The following FER1L6 variants were observed in gnomAD, a reference collection of about 807,000 sequenced individuals.
FER1L6 encodes the protein fer-1 like family member 6, also known as fer-1-like protein 6.
Under a neutral mutation model 219.2 loss-of-function variants are expected in FER1L6, and 177 were observed. The observed-to-expected ratio is 0.81, with a 90% CI of 0.71 to 0.91. The LOEUF (loss-of-function observed/expected upper bound fraction) is 0.91. Ranked by LOEUF, FER1L6 falls within the 40% of genes least tolerant of loss-of-function variation. The pLI, the probability that FER1L6 is intolerant of heterozygous loss-of-function variation, is 0.00. For synonymous variants in FER1L6, 768 were observed against 824.3 expected, an observed-to-expected ratio of 0.93 and a Z score of 1.17; for missense variants, 2,153 against 2,259.9, an observed-to-expected ratio of 0.95 and a Z score of 0.96.
At chr8:124,096,955 G>A (rs1822323178) in intron 35 of FER1L6, among the ~76,000 whole-genome samples, 1 of 151,980 alleles carries the variant, frequency 6.6e-6, no homozygotes, top group Non-Finnish European at 1.5e-5. Flanking sequence ...TGTTGCAAGA[G>A]TTCATAAGAT....
intron 39 of FER1L6, among the ~76,000 whole-genome samples, chr8:124,104,008 T>G (rs1264317277): frequency 1.3e-5 from 2 of 152,254 alleles, no homozygotes; most frequent in Admixed American, 6.5e-5. Flanking sequence ...CAGGTCTGGA[T>G]AGAGACCCAT....
At chr8:124,021,455 G>C in intron 16 of FER1L6, 95 bp from the exon 17 acceptor site, 1 of 1,535,760 alleles carries the variant, frequency 6.5e-7, no homozygotes, top group Non-Finnish European at 8.9e-7. Flanking sequence ...ACTCAGTGTG[G>C]AGCTCACCAG....
chr8:124,039,240 AC>A (rs1451306673), intron 19 of FER1L6, among the ~76,000 whole-genome samples: 1 of 152,178 alleles, frequency 6.6e-6, no homozygotes, highest in Non-Finnish European at 1.5e-5. Flanking sequence ...CTGTCTTGTT[AC>A]CACAGAATCC....
At chr8:123,893,352 C>G (rs1812684587) in intron 1 of FER1L6, among the ~76,000 whole-genome samples, 1 of 152,178 alleles carries the variant, frequency 6.6e-6, no homozygotes, top group South Asian at 2.1e-4. Flanking sequence ...TGAAGCAGAA[C>G]AGGAGTTGAT....
chr8:124,023,508 C>T lies in FER1L6; in HGVS notation c.2198C>T (p.Ala733Val). Reference protein sequence around the residue: ...MLSNNRRVAYARIASKDLLYS... With the variant: ...MLSNNRRVAYVRIASKDLLYS... ...AGCAACAACAGGAGAGTGGCCTATG[C>T]CCGCATCGCCTCCAAAGACCTCCTC... The change falls in exon 18 of 41, where the codon GCC (alanine) becomes GTC (valine). Residue 733 changes from alanine (A) to valine (V), a missense_variant. Ala to Val is a moderately conservative substitution (Grantham distance 64). Coordinates refer to ENST00000522917, the MANE Select transcript of FER1L6 (RefSeq NM_001039112.2). 1 of 1,614,188 alleles carries T rather than the reference C, an allele frequency of 6.2e-7. No homozygotes were observed. The highest frequency in any genetic ancestry group is 8.5e-7 in the Non-Finnish European group (1 of 1,180,024).
chr8:124,057,956 TGA>T (rs767631405), intron 22 of FER1L6, among the ~76,000 whole-genome samples: 80 of 122,142 alleles, frequency 6.5e-4, no homozygotes, highest in Non-Finnish European at 1.2e-3. Context: ...CTGAATCCTC[TGA>T]GTCTTTCTTC....
intron 18 of FER1L6, among the ~76,000 whole-genome samples, chr8:124,030,930 A>G (rs1402771404): frequency 6.6e-6 from 1 of 152,006 alleles, no homozygotes; most frequent in East Asian, 1.9e-4. Context: ...GGAGGTGGGG[A>G]AGGCACAGGG....
intron 1 of FER1L6, chr8:123,939,197 A>G (rs1339719896): frequency 5.1e-6 from 5 of 985,074 alleles, no homozygotes; most frequent in Admixed American, 6.1e-5. Context: ...CACTGAGGTG[A>G]GCTAAATAAC....
intron 1 of FER1L6, among the ~76,000 whole-genome samples, chr8:123,950,233 T>C (rs1167642861): frequency 6.6e-6 from 1 of 152,118 alleles, no homozygotes; most frequent in East Asian, 1.9e-4. Flanking sequence ...AATAGCGCGG[T>C]CATGTGTGAT....
At chr8:123,942,922 C>A (rs986502627) in intron 1 of FER1L6, among the ~76,000 whole-genome samples, 12 of 152,124 alleles carry the variant, frequency 7.9e-5, no homozygotes, top group African/African-American at 2.7e-4. Context: ...CAAACTTGAC[C>A]TTTTTGAAAT....
At chr8:123,898,147 A>C (rs1812776662) in intron 1 of FER1L6, among the ~76,000 whole-genome samples, 1 of 152,198 alleles carries the variant, frequency 6.6e-6, no homozygotes, top group South Asian at 2.1e-4. Context: ...ATAAAAAATC[A>C]GTTATTATAT....
intron 33 of FER1L6, among the ~76,000 whole-genome samples, chr8:124,085,795 AC>A (rs1450157280): frequency 3.3e-5 from 5 of 151,968 alleles, no homozygotes; most frequent in Non-Finnish European, 7.4e-5. Context: ...TGTCTGGATG[AC>A]CTGCCCAGTG....
At chr8:124,031,836 A>G (rs1818979818) in intron 18 of FER1L6, among the ~76,000 whole-genome samples, 1 of 152,204 alleles carries the variant, frequency 6.6e-6, no homozygotes, top group Non-Finnish European at 1.5e-5. Flanking sequence ...ACATGAAATT[A>G]AAAATGGGAT....
At chr8:123,971,859 T>C (rs1815833568) in intron 6 of FER1L6, among the ~76,000 whole-genome samples, 1 of 152,230 alleles carries the variant, frequency 6.6e-6, no homozygotes, top group African/African-American at 2.4e-5. Context: ...CCCAGTACTC[T>C]GTGTGTGAGA....
At chr8:123,899,023 T>C (rs1563677812) in intron 1 of FER1L6, among the ~76,000 whole-genome samples, 1 of 152,006 alleles carries the variant, frequency 6.6e-6, no homozygotes, top group Non-Finnish European at 1.5e-5. Context: ...AGATACCTAG[T>C]ATTGGGATTG....
intron 18 of FER1L6, among the ~76,000 whole-genome samples, chr8:124,032,800 G>T (rs1189939402): frequency 6.6e-6 from 1 of 152,232 alleles, no homozygotes; most frequent in East Asian, 1.9e-4. Flanking sequence ...GATGTGCTTT[G>T]CTTAGGGCAA....
At chr8:123,885,082 A>G (rs191610652) in intron 1 of FER1L6, among the ~76,000 whole-genome samples, 4 of 152,306 alleles carry the variant, frequency 2.6e-5, no homozygotes, top group South Asian at 2.1e-4. Flanking sequence ...ACAGGATGCC[A>G]AGGACTGATG....
rs1018890520 is a variant in FER1L6, at chr8:123,999,253, G to A, written c.1520-3914G>A. 9.8e-5 allele frequency among the ~76,000 whole-genome samples: 15 copies of A among 152,312 alleles called. No individual in the cohort carries two copies. The East Asian group carries it at 2.9e-3, about 29-fold the overall frequency. Reference sequence around the variant, plus strand: ...TGGCTACCACTGCTAATTATTCAAGGCCCAAAGGCTCTTTAGTCTGCAGAT... The same window carrying A: ...TGGCTACCACTGCTAATTATTCAAGACCCAAAGGCTCTTTAGTCTGCAGAT... On this transcript the variant is annotated intron_variant, in intron 12 of 40. Coordinates refer to ENST00000522917, the MANE Select transcript of FER1L6 (RefSeq NM_001039112.2).
At chr8:124,103,076 T>C in intron 38 of FER1L6, 70 bp from the exon 39 acceptor site, 2 of 1,329,008 alleles carry the variant, frequency 1.5e-6, no homozygotes, top group Non-Finnish European at 2.1e-6. Flanking sequence ...TGAATGAGGA[T>C]GGTGATTGAG....
Sources: gnomAD v4.1 joint callset for allele counts (sites outside exome capture counted in the v4.1 genomes callset) on GRCh38, gnomAD v4.1.1 for gene constraint, MANE v1.5 for transcripts, NCBI Gene and HGNC (gene_info 2026-07-23, HGNC 2026-07-21) for gene names.